PLCB1: variants seen among roughly 807,000 people sequenced by gnomAD.
PLCB1 encodes the protein phospholipase C beta 1.
Under a neutral mutation model 161.8 loss-of-function variants are expected in PLCB1, and 46 were observed. The observed-to-expected ratio is 0.28, with a 90% CI of 0.22 to 0.36. The LOEUF is 0.36. Ranked by LOEUF, PLCB1 falls within the 10% of genes least tolerant of loss-of-function variation. The probability of loss-of-function intolerance (pLI) is 1.00; values close to 1 mark genes in which losing one functional copy is unlikely to be tolerated. For synonymous variants in PLCB1, 517 were observed against 503.7 expected, an observed-to-expected ratio of 1.03 and a Z score of -0.35; for missense variants, 1,016 against 1,472.5, an observed-to-expected ratio of 0.69 and a Z score of 5.07.
chr20:8,233,522 G>A (rs1418036471), intron 2 of PLCB1, among the ~76,000 whole-genome samples: 1 of 152,114 alleles, frequency 6.6e-6, no homozygotes, highest in Non-Finnish European at 1.5e-5. Flanking sequence ...TGGTTAAGTT[G>A]ATTATTTTTT....
At chr20:8,865,662 C>G (rs992825546) in intron 31 of PLCB1, among the ~76,000 whole-genome samples, 3 of 152,128 alleles carry the variant, frequency 2.0e-5, no homozygotes, top group African/African-American at 7.2e-5. Context: ...TAATGTGGCT[C>G]CATCATCCCC....
chr20:8,403,851 A>G (rs1978673447), intron 3 of PLCB1, among the ~76,000 whole-genome samples: 2 of 152,196 alleles, frequency 1.3e-5, no homozygotes, highest in African/African-American at 4.8e-5. Context: ...TATCTTCAGG[A>G]GACTAACCAT....
At chr20:8,768,720 G>A (rs896995531) in intron 26 of PLCB1, among the ~76,000 whole-genome samples, 1 of 152,178 alleles carries the variant, frequency 6.6e-6, no homozygotes, top group Non-Finnish European at 1.5e-5. Context: ...AGGTCATGGC[G>A]TGGTGCCCCC....
intron 1 of PLCB1, among the ~76,000 whole-genome samples, chr20:8,135,176 G>A (rs2051333487): frequency 6.6e-6 from 1 of 152,164 alleles, no homozygotes; most frequent in Admixed American, 6.5e-5. Context: ...TTACCTCCTA[G>A]TTCTTTCACC....
chr20:8,135,635 A>G (rs773824672), intron 1 of PLCB1, among the ~76,000 whole-genome samples: 19 of 152,274 alleles, frequency 1.2e-4, no homozygotes, highest in Non-Finnish European at 2.5e-4. Context: ...ATGGGTGGGT[A>G]GGTAGCTGGA....
chr20:8,412,411 T>C (rs1048139346), intron 3 of PLCB1, among the ~76,000 whole-genome samples: 5 of 152,214 alleles, frequency 3.3e-5, no homozygotes, highest in African/African-American at 1.2e-4. Context: ...TTGAGAACAA[T>C]TATCACATCC....
intron 26 of PLCB1, among the ~76,000 whole-genome samples, chr20:8,765,878 C>G (rs764772187): frequency 7.9e-5 from 12 of 152,134 alleles, no homozygotes; most frequent in Non-Finnish European, 1.6e-4. Flanking sequence ...TGGGGTTTCA[C>G]CAGGTTGCCC....
At chr20:8,134,404 C>T (rs998922580) in intron 1 of PLCB1, among the ~76,000 whole-genome samples, 1 of 152,174 alleles carries the variant, frequency 6.6e-6, no homozygotes. Context: ...GATTTGTATA[C>T]AGTGATGATT....
rs959427552 is a variant in PLCB1, at chr20:8,221,497, T to C, written c.177+71126T>C. Among the ~76,000 whole-genome samples, 3 of 152,202 alleles carry C rather than the reference T, an allele frequency of 2.0e-5. No individual in the cohort carries two copies. The East Asian group carries it at 5.8e-4, about 29-fold the overall frequency. On this transcript the variant is annotated intron_variant, in intron 2 of 31. Transcript: ENST00000338037. Reference sequence around the variant, plus strand: ...TTACAATTTCTTTACAGATTCTATATGTTTCACAATAAAGGCAAGGTTTTA... The same window carrying C: ...TTACAATTTCTTTACAGATTCTATACGTTTCACAATAAAGGCAAGGTTTTA...
intron 4 of PLCB1, among the ~76,000 whole-genome samples, chr20:8,645,443 G>T (rs1488479427): frequency 6.6e-6 from 1 of 152,174 alleles, no homozygotes; most frequent in African/African-American, 2.4e-5. Flanking sequence ...AGAATGTGTT[G>T]TGTGTTTCAA....
At chr20:8,561,909 A>G (rs1023678539) in intron 3 of PLCB1, among the ~76,000 whole-genome samples, 2 of 152,156 alleles carry the variant, frequency 1.3e-5, no homozygotes, top group South Asian at 4.1e-4. Context: ...CCCTCCACCC[A>G]TCACCTAAAA....
In PLCB1 at chr20:8,249,497, C is replaced by T. The variant is rs2123219971; in HGVS notation, c.177+99126C>T. On this transcript the variant is annotated intron_variant, in intron 2 of 31. Coordinates refer to ENST00000338037, the MANE Select transcript of PLCB1 (RefSeq NM_015192.4). The stretch of plus-strand genomic sequence containing the variant: ...GAAGTAATTGGAAAGAAAACTTTGC[C>T]TGAAGCTACATGAGAACTGGAACCC... 4 of 152,058 alleles carry T rather than the reference C, an allele frequency of 2.6e-5. 1 individual carries two copies. In the Middle Eastern group the frequency reaches 0.014, roughly 517 times the overall value. 9.4% of individuals were successfully genotyped at this position (152,058 alleles called of 1,614,324 possible). A position where few individuals can be genotyped will look rare whatever the true frequency, so the allele number is the denominator to read the frequency against.
intron 2 of PLCB1, among the ~76,000 whole-genome samples, chr20:8,194,238 C>T (rs2052000197): frequency 6.6e-6 from 1 of 151,928 alleles, no homozygotes; most frequent in African/African-American, 2.4e-5. Flanking sequence ...TTTGCTTGGG[C>T]CCTCTAAGCT....
intron 9 of PLCB1, among the ~76,000 whole-genome samples, chr20:8,676,671 T>G (rs932403696): frequency 1.1e-4 from 17 of 149,064 alleles, no homozygotes; most frequent in African/African-American, 3.8e-4. Context: ...GGAAGATCCC[T>G]CTGCAGTGAT....
chr20:8,721,782 C>A (rs904481599), intron 14 of PLCB1, among the ~76,000 whole-genome samples: 1 of 152,132 alleles, frequency 6.6e-6, no homozygotes, highest in Admixed American at 6.6e-5. Flanking sequence ...ACTTTGCTGC[C>A]AAAGCCCCAG....
intron 3 of PLCB1, among the ~76,000 whole-genome samples, chr20:8,483,841 G>A (rs1327988258): frequency 6.6e-6 from 1 of 152,152 alleles, no homozygotes; most frequent in Non-Finnish European, 1.5e-5. Context: ...TGGACACAAA[G>A]TATATAGGCA....
At chr20:8,236,901 A>C (rs4437032) in intron 2 of PLCB1, among the ~76,000 whole-genome samples, 7,009 of 152,140 alleles carry the variant, frequency 0.046, 537 homozygotes, top group African/African-American at 0.16. Context: ...CAATAATCAA[A>C]GAAATACATA....
At chr20:8,422,087 G>C (rs983579600) in intron 3 of PLCB1, among the ~76,000 whole-genome samples, 2 of 152,224 alleles carry the variant, frequency 1.3e-5, no homozygotes, top group Non-Finnish European at 2.9e-5. Flanking sequence ...GCCTGAGTGA[G>C]TCTTTACAAC....
chr20:8,807,340 T>G (rs1033912934), intron 31 of PLCB1, among the ~76,000 whole-genome samples: 1 of 152,204 alleles, frequency 6.6e-6, no homozygotes, highest in Non-Finnish European at 1.5e-5. Context: ...ATATTGTGCT[T>G]CTGAATTAAC....
Sources: allele counts gnomAD v4.1 joint callset (sites outside exome capture counted in the v4.1 genomes callset), GRCh38; gene constraint gnomAD v4.1.1; transcripts MANE v1.5; gene names NCBI Gene and HGNC (gene_info 2026-07-23, HGNC 2026-07-21).